The following PCSK6 variants were observed in gnomAD, a reference collection of about 807,000 sequenced individuals.
The protein encoded by PCSK6 is proprotein convertase subtilisin/kexin type 6.
PCSK6 carries 85 observed loss-of-function variants against 123.3 expected under a neutral mutation model. The ratio of observed to expected loss-of-function variants is 0.69; its 90% CI spans 0.58 to 0.83. The LOEUF (loss-of-function observed/expected upper bound fraction) is 0.83, where lower values mean the gene tolerates loss of function less well. Ranked by LOEUF, PCSK6 falls within the 40% of genes least tolerant of loss-of-function variation. PCSK6 has a pLI of 0.00. For missense variants in PCSK6, 1,191 were observed against 1,282.3 expected, an observed-to-expected ratio of 0.93 and a Z score of 1.09; for synonymous variants, 508 against 516.0, an observed-to-expected ratio of 0.98 and a Z score of 0.21.
chr15:101,488,729 G>C (rs1182155846), intron 1 of PCSK6, among the ~76,000 whole-genome samples: 2 of 151,958 alleles, frequency 1.3e-5, no homozygotes, highest in African/African-American at 4.8e-5. Context: ...TTTAAACCCA[G>C]GACCCCCGGC....
Position 101,428,832 on chromosome 15 carries a change from G to A in PCSK6, c.735-852C>T, listed in dbSNP as rs1025734208. On this transcript the variant is annotated intron_variant, in intron 5 of 21. Transcript: ENST00000611716. ...CAGCTTCAAGGCCAGGGCTGTTCCC[G>A]GGGTCACAGAGCTCAATGGATGGCT... Among the ~76,000 whole-genome samples the A allele has an allele frequency of 1.2e-4, 18 of 152,320 alleles. No homozygotes were observed. The East Asian group carries it at 1.7e-3, about 15-fold the overall frequency.
rs1174130102 is a variant in PCSK6, at chr15:101,443,730, C to T, written c.298-70G>A. On this transcript the variant is annotated intron_variant, in intron 1 of 21. Transcript: ENST00000611716. ...ACAGCTTCCAAAATCTTCCACCCCA[C>T]AAGAATCTCCCCCTTATCTGAGGGG... 4.6e-6 allele frequency: 5 copies of T among 1,082,316 alleles called. No homozygotes were observed. In the East Asian group the frequency reaches 1.2e-4, roughly 25 times the overall value. The allele number at this position is 1,082,316 out of a possible 1,614,324, so 67.0% of individuals were successfully genotyped here.
At chr15:101,465,182 G>GAGCCTGTCCTC in intron 1 of PCSK6, among the ~76,000 whole-genome samples, 1 of 152,316 alleles carries the variant, frequency 6.6e-6, no homozygotes, top group Non-Finnish European at 1.5e-5. Context: ...CGTGTGTGGT[G>GAGCCTGTCCTC]AGCCTGTCCT....
intron 9 of PCSK6, among the ~76,000 whole-genome samples, chr15:101,388,447 T>A (rs4965839): frequency 0.64 from 97,095 of 151,964 alleles, 31,752 homozygotes; most frequent in Admixed American, 0.73. Flanking sequence ...TACAATTTGG[T>A]TTTGACTCTA....
chr15:101,332,243 T>C (rs2040386700), intron 13 of PCSK6, among the ~76,000 whole-genome samples: 1 of 152,180 alleles, frequency 6.6e-6, no homozygotes, highest in African/African-American at 2.4e-5. Context: ...CCAGTGCCCT[T>C]TTATTCCTGT....
At chr15:101,443,163 A>T (rs1410042357) in intron 2 of PCSK6, among the ~76,000 whole-genome samples, 1 of 152,250 alleles carries the variant, frequency 6.6e-6, no homozygotes, top group African/African-American at 2.4e-5. Flanking sequence ...TCTTTGAGGA[A>T]AAAAAGTCAT....
At chr15:101,443,374 T>C (rs1256255350) in intron 2 of PCSK6, among the ~76,000 whole-genome samples, 182 bp downstream of exon 2, 1 of 152,228 alleles carries the variant, frequency 6.6e-6, no homozygotes, top group Admixed American at 6.5e-5. Context: ...TGCTGAGAGA[T>C]CCTCACTCAC....
chr15:101,369,715 C>A (rs2041517170), intron 12 of PCSK6, among the ~76,000 whole-genome samples: 1 of 152,020 alleles, frequency 6.6e-6, no homozygotes, highest in African/African-American at 2.4e-5. Flanking sequence ...CCCCTTGTTT[C>A]TAAGTTTGTT....
intron 13 of PCSK6, among the ~76,000 whole-genome samples, chr15:101,353,189 C>T (rs1032471123): frequency 2.6e-5 from 4 of 152,102 alleles, no homozygotes; most frequent in Admixed American, 6.5e-5. Context: ...TAGACGGTCC[C>T]GTCTGGGGGT....
Position 101,324,924 on chromosome 15 carries a change from C to G in PCSK6, c.2303G>C (p.Arg768Pro), listed in dbSNP as rs1459787573. The part of the protein sequence containing the change: ...SRAATQCLSC[R>P]RGFYHHQEMN... Reference sequence around the variant, plus strand: ...CTCCTGGTGGTGATAGAACCCGCGGCGGCAAGACAGGCACTGCGTCGCAGC... The same window carrying G: ...CTCCTGGTGGTGATAGAACCCGCGGGGGCAAGACAGGCACTGCGTCGCAGC... Residue 768 changes from arginine (R) to proline (P), a missense_variant, in exon 17 of 22, where the codon CGC (arginine) becomes CCC (proline). By Grantham distance (103) the Arg-to-Pro change is moderately radical. Transcript: ENST00000611716. 3 of 1,613,540 alleles carry G rather than the reference C, an allele frequency of 1.9e-6. No individual in the cohort carries two copies. Among genetic ancestry groups the G allele is most frequent in the Non-Finnish European group, 2.5e-6 (3 of 1,179,888 alleles).
At chr15:101,392,063 A>G (rs2042248786) in intron 8 of PCSK6, among the ~76,000 whole-genome samples, 1 of 152,228 alleles carries the variant, frequency 6.6e-6, no homozygotes. Context: ...GCCTGCACGC[A>G]GTCCATGTTA....
At chr15:101,386,973 G>A (rs1208474968) in intron 9 of PCSK6, among the ~76,000 whole-genome samples, 2 of 152,100 alleles carry the variant, frequency 1.3e-5, no homozygotes, top group African/African-American at 4.8e-5. Flanking sequence ...GTTTTCCTAC[G>A]AGAAGCTCAC....
At chr15:101,307,573 C>T in intron 20 of PCSK6, 1 of 450,888 alleles carries the variant, frequency 2.2e-6, no homozygotes, top group Non-Finnish European at 4.1e-6. Flanking sequence ...GGAGCAAGCC[C>T]AGGATCAGGG....
intron 1 of PCSK6, among the ~76,000 whole-genome samples, chr15:101,471,394 C>T (rs1395378374): frequency 1.3e-5 from 2 of 152,136 alleles, no homozygotes; most frequent in Non-Finnish European, 2.9e-5. Flanking sequence ...ATTTTTCAAA[C>T]ATGCACCAAT....
At chr15:101,328,548 C>G (rs867427303) in intron 15 of PCSK6, among the ~76,000 whole-genome samples, 1 of 152,190 alleles carries the variant, frequency 6.6e-6, no homozygotes, top group Non-Finnish European at 1.5e-5. Context: ...CGGAGGAGGA[C>G]AGCCTTGGGG....
chr15:101,375,660 G>A (rs1386727884), intron 11 of PCSK6, among the ~76,000 whole-genome samples: 1 of 151,652 alleles, frequency 6.6e-6, no homozygotes, highest in East Asian at 1.9e-4. Context: ...GTAACATAAT[G>A]AGTCCCCCAA....
intron 1 of PCSK6, among the ~76,000 whole-genome samples, chr15:101,470,320 A>T (rs944351014): frequency 6.6e-6 from 1 of 152,184 alleles, no homozygotes; most frequent in Non-Finnish European, 1.5e-5. Flanking sequence ...TAATATCTGT[A>T]TGTGTTTTCC....
intron 1 of PCSK6, among the ~76,000 whole-genome samples, chr15:101,454,185 C>A (rs1235985367): frequency 1.3e-5 from 2 of 152,220 alleles, no homozygotes; most frequent in East Asian, 3.8e-4. Flanking sequence ...ACCTAAAACA[C>A]CATCACTTGA....
intron 11 of PCSK6, among the ~76,000 whole-genome samples, chr15:101,380,297 CAGG>C (rs1472805730): frequency 6.6e-6 from 1 of 152,218 alleles, no homozygotes; most frequent in Non-Finnish European, 1.5e-5. Flanking sequence ...CGATTTCTGG[CAGG>C]AGAAGAATGC....
Sources: gnomAD v4.1 joint callset for allele counts (sites outside exome capture counted in the v4.1 genomes callset) on GRCh38, gnomAD v4.1.1 for gene constraint, MANE v1.5 for transcripts, NCBI Gene and HGNC (gene_info 2026-07-23, HGNC 2026-07-21) for gene names.